NOS3: variants seen among roughly 807,000 people sequenced by gnomAD.
NOS3 encodes NOS type III.
A neutral mutation model predicts 144.9 loss-of-function variants in NOS3; 98 were observed. That is an observed-to-expected ratio of 0.68 (90% CI 0.57 to 0.80). The LOEUF (loss-of-function observed/expected upper bound fraction) is 0.80. Ranked by LOEUF, NOS3 falls within the 30% of genes least tolerant of loss-of-function variation. NOS3 has a pLI of 0.00. For missense variants in NOS3, 1,465 were observed against 1,656.4 expected, an observed-to-expected ratio of 0.88 and a Z score of 2.01; for synonymous variants, 714 against 702.4, an observed-to-expected ratio of 1.02 and a Z score of -0.26.
In NOS3 at chr7:151,007,808, C is replaced by T. The variant is rs1584909823; in HGVS notation, c.2112+532C>T. Among the ~76,000 whole-genome samples the T allele has an allele frequency of 4.6e-5, 7 of 152,332 alleles. 1 individual carries two copies. Among genetic ancestry groups the T allele is most frequent in the Admixed American group, 4.6e-4 (7 of 15,306 alleles). On this transcript the variant is annotated intron_variant, in intron 17 of 26. Coordinates refer to ENST00000297494, the MANE Select transcript of NOS3 (RefSeq NM_000603.5). Reference sequence around the variant, plus strand: ...CCCTGGGGGCTGTGGCTTTTTAAGCCTGGGCTTCCTCAGGGGCAGTGCTGC... The same window carrying T: ...CCCTGGGGGCTGTGGCTTTTTAAGCTTGGGCTTCCTCAGGGGCAGTGCTGC...
chr7:150,995,326 A>ATGGCCTGC lies in NOS3; in HGVS notation c.270+14_270+15insGCCTGCTG, dbSNP rs1181827223. 1 of 1,583,394 alleles carries ATGGCCTGC rather than the reference A, an allele frequency of 6.3e-7. No individual in the cohort carries two copies. Among genetic ancestry groups the ATGGCCTGC allele is most frequent in the African/African-American group, 1.3e-5 (1 of 74,200 alleles). ...CCCAGGCGCAGCAGGTAAGGCCGGC[A>ATGGCCTGC]TGCCCTGTCCCCATCGTCTCCAGGG... On this transcript the variant is annotated intron_variant, in intron 3 of 26. Coordinates refer to ENST00000297494, the MANE Select transcript of NOS3 (RefSeq NM_000603.5).
At chr7:151,010,522 T>TG in intron 21 of NOS3, 75 bp from the exon 22 acceptor site, 2 of 1,395,024 alleles carry the variant, frequency 1.4e-6, no homozygotes, top group East Asian at 2.5e-5. Context: ...AGAGGCTCAG[T>TG]GGGGGAGGGG....
intron 17 of NOS3, 97 bp from the exon 18 acceptor site, chr7:151,008,833 C>G (rs926644528): frequency 1.1e-5 from 15 of 1,364,074 alleles, no homozygotes; most frequent in Non-Finnish European, 1.5e-5. Context: ...GGGCTGCCAA[C>G]CCCCCAGGAG....
Position 151,013,798 on chromosome 7 carries a change from CATGTTTGTCTGCGGCG to C in NOS3, c.3336_3351del (p.Phe1112LeufsTer53). The C allele has an allele frequency of 6.2e-7, 1 of 1,610,982 alleles. No individual in the cohort carries two copies. Among genetic ancestry groups the C allele is most frequent in the Admixed American group, 1.7e-5 (1 of 59,744 alleles). ...GCGTGCTGTGCCTCGAGCGGGGCCACATGTTTGTCTGCGGCGATGTTACCATGGCAACCAACGTCCT... is the reference window on the plus strand; with the variant it reads ...GCGTGCTGTGCCTCGAGCGGGGCCACATGTTACCATGGCAACCAACGTCCT... On this transcript the variant is annotated frameshift_variant, in exon 26 of 27. Transcript: ENST00000297494. LOFTEE classifies it high-confidence loss of function.
Position 151,009,379 on chromosome 7 carries a change from C to A in NOS3, c.2325-19C>A. ...ACCCCTCTCTGACTCCCCATAAGTGCCCCTCTCCCCACCCCCAGGAGGGCC... is the reference window on the plus strand; with the variant it reads ...ACCCCTCTCTGACTCCCCATAAGTGACCCTCTCCCCACCCCCAGGAGGGCC... On this transcript the variant is annotated intron_variant, in intron 19 of 26. Coordinates refer to ENST00000297494, the MANE Select transcript of NOS3 (RefSeq NM_000603.5). 1 of 1,065,296 alleles carries A rather than the reference C, an allele frequency of 9.4e-7. No individual in the cohort carries two copies. 66.0% of individuals were successfully genotyped at this position (1,065,296 alleles called of 1,614,324 possible). A position where few individuals can be genotyped will look rare whatever the true frequency, so the allele number is the denominator to read the frequency against.
chr7:150,997,961 T>C (rs1327612954), intron 5 of NOS3, among the ~76,000 whole-genome samples: 1 of 152,166 alleles, frequency 6.6e-6, no homozygotes, highest in Non-Finnish European at 1.5e-5. Flanking sequence ...CCACCATCCA[T>C]GTGCTCAAAG....
At chr7:151,009,350 C>CA in intron 19 of NOS3, 48 bp from the exon 20 acceptor site, 1 of 868,350 alleles carries the variant, frequency 1.2e-6, no homozygotes, top group Non-Finnish European at 1.8e-6. Context: ...ATTCTCCCGC[C>CA]CCCACCCCTC....
intron 12 of NOS3, 43 bp from the exon 13 acceptor site, chr7:151,001,778 C>T: frequency 6.2e-7 from 1 of 1,612,052 alleles, no homozygotes; most frequent in Non-Finnish European, 8.5e-7. Context: ...GGAGGCCCTG[C>T]CTCTGTGCAC....
chr7:151,009,171 G>A lies in NOS3; in HGVS notation c.2246-18G>A, dbSNP rs1310352922. On this transcript the variant is annotated intron_variant, in intron 18 of 26. Coordinates refer to ENST00000297494, the MANE Select transcript of NOS3 (RefSeq NM_000603.5). Reference sequence around the variant, plus strand: ...CTCCCTAGCTCAGGCTGCCTCATTTGCCCCTCCCCGCCCCCAGGTCTGATC... The same window carrying A: ...CTCCCTAGCTCAGGCTGCCTCATTTACCCCTCCCCGCCCCCAGGTCTGATC... 1 of 1,613,506 alleles carries A rather than the reference G, an allele frequency of 6.2e-7. No individual in the cohort carries two copies. The highest frequency in any genetic ancestry group is 8.5e-7 in the Non-Finnish European group (1 of 1,179,714).
chr7:151,008,798 T>C (rs1052431834), intron 17 of NOS3, 132 bp from the exon 18 acceptor site: 2 of 1,057,816 alleles, frequency 1.9e-6, no homozygotes, highest in African/African-American at 3.2e-5. Context: ...AAAGGTGCTG[T>C]CCTTGGCGCC....
At position 151,013,738 on chromosome 7, in the gene NOS3, C is replaced by A; in HGVS notation, c.3270C>A (p.Asp1090Glu). ...EPDNPKTYVQ[D>E]ILRTELAAEV... ...CCGCCCCGCAGACCTACGTGCAGGACATCCTGAGGACGGAGCTGGCTGCGG... is the reference window on the plus strand; with the variant it reads ...CCGCCCCGCAGACCTACGTGCAGGAAATCCTGAGGACGGAGCTGGCTGCGG... Residue 1090 changes from aspartate (D) to glutamate (E), a missense_variant, in exon 26 of 27, where the codon GAC becomes GAA. Transcript: ENST00000297494. The A allele has an allele frequency of 6.2e-7, 1 of 1,608,464 alleles. No homozygotes were observed. The highest frequency in any genetic ancestry group is 2.2e-5 in the East Asian group (1 of 44,608).
At chr7:151,011,094 T>A in intron 23 of NOS3, 108 bp downstream of exon 23, 1 of 749,570 alleles carries the variant, frequency 1.3e-6, no homozygotes, top group East Asian at 2.7e-5. Flanking sequence ...AGGAGCTCTG[T>A]AACATGTCAA....
Position 151,002,284 on chromosome 7 carries a change from G to T in NOS3, c.1732G>T (p.Asp578Tyr). Residue 578 changes from aspartate to tyrosine, a missense_variant, in exon 14 of 27, where the codon GAT becomes TAT. This residue lies in a region of NOS3 where 745 missense variants were observed against 853.9 expected (regional missense o/e 0.87). Coordinates refer to ENST00000297494, the MANE Select transcript of NOS3 (RefSeq NM_000603.5). This position sits in a 1 kb window ranked among gnomAD's most constrained non-coding sequence, Gnocchi z 4.1. ...GGTAACCAGCACATTTGGGAATGGG[G>T]ATCCCCCGGAGAATGGAGAGGTGAG... The part of the protein sequence containing the change: ...LVVTSTFGNG[D>Y]PPENGESFAA... 6.3e-7 allele frequency: 1 copy of T among 1,592,766 alleles called. No individual in the cohort carries two copies. The highest frequency in any genetic ancestry group is 2.3e-5 in the East Asian group (1 of 44,432).
At chr7:150,991,702 CAAG>C (rs900132750) in intron 1 of NOS3, among the ~76,000 whole-genome samples, 2 of 152,128 alleles carry the variant, frequency 1.3e-5, no homozygotes, top group African/African-American at 4.8e-5. Context: ...GTGGTGCAGG[CAAG>C]AAGACAATGG....
At position 150,998,459 on chromosome 7, in the gene NOS3, C is replaced by T; in HGVS notation, c.674+11C>T. On this transcript the variant is annotated intron_variant, in intron 6 of 26. Coordinates refer to ENST00000297494, the MANE Select transcript of NOS3 (RefSeq NM_000603.5). The surrounding 1 kb of genome is among the most constrained non-coding windows in gnomAD (Gnocchi z 5.0). ...CCGGGGCAACCTTCGGTGAGTGCCC[C>T]CCACCATGCCAGGCCCCAGCCTTCT... 6.2e-7 allele frequency: 1 copy of T among 1,611,950 alleles called. No individual in the cohort carries two copies. The highest frequency in any genetic ancestry group is 8.5e-7 in the Non-Finnish European group (1 of 1,179,630).
intron 1 of NOS3, among the ~76,000 whole-genome samples, chr7:150,992,606 G>A (rs962710289): frequency 2.0e-5 from 3 of 152,152 alleles, no homozygotes; most frequent in East Asian, 3.9e-4. Flanking sequence ...CGTTCCTTCC[G>A]CCTGCCGGCC....
Position 151,006,504 on chromosome 7 carries a change from G to A in NOS3, c.1820+10G>A. 6.2e-7 allele frequency: 1 copy of A among 1,610,644 alleles called. No individual in the cohort carries two copies. Among genetic ancestry groups the A allele is most frequent in the Non-Finnish European group, 8.5e-7 (1 of 1,178,148 alleles). The stretch of plus-strand genomic sequence containing the variant: ...GGCCGGAACAGCACAAGTGAGTTGG[G>A]TGAGAGTTTGGGGGAGCTGGGGGAG... On this transcript the variant is annotated intron_variant, in intron 15 of 26. Coordinates refer to ENST00000297494, the MANE Select transcript of NOS3 (RefSeq NM_000603.5).
intron 1 of NOS3, among the ~76,000 whole-genome samples, chr7:150,992,465 C>T (rs1053157820): frequency 2.0e-5 from 3 of 152,114 alleles, no homozygotes; most frequent in African/African-American, 7.2e-5. Flanking sequence ...CTTCCATCTC[C>T]CTCCTCCTGA....
intron 25 of NOS3, 61 bp downstream of exon 25, chr7:151,013,440 C>A (rs1795352751): frequency 1.3e-6 from 2 of 1,549,816 alleles, no homozygotes; most frequent in Non-Finnish European, 8.7e-7. Context: ...AGGACTCGCG[C>A]TCTCCAGCGG....
Sources: allele counts gnomAD v4.1 joint callset (sites outside exome capture counted in the v4.1 genomes callset), GRCh38; gene constraint gnomAD v4.1.1; regional missense constraint gnomAD v4.1.1; non-coding constraint Gnocchi (gnomAD v3.1); transcripts MANE v1.5; gene names NCBI Gene and HGNC (gene_info 2026-07-23, HGNC 2026-07-21).